The following EPAS1 variants were observed in gnomAD, a reference collection of about 807,000 sequenced individuals.
The protein encoded by EPAS1 is endothelial PAS domain protein 1.
In EPAS1, 23 loss-of-function variants were observed where a neutral mutation model predicts 87.9. That is an observed-to-expected ratio of 0.26 (90% CI 0.19 to 0.37). The LOEUF (loss-of-function observed/expected upper bound fraction) is 0.37. Among genes scored for constraint, EPAS1 ranks in the 10% least tolerant of loss-of-function variants. EPAS1 has a pLI of 1.00. For missense variants in EPAS1, 1,138 were observed against 1,120.7 expected (o/e 1.02, Z -0.22); for synonymous variants, 508 against 444.3 (o/e 1.14, Z -1.80).
rs886056080 is a variant in EPAS1 at position 46,297,712 on chromosome 2, A to G, written c.-200A>G. 19 of 605,044 alleles carry G rather than the reference A, an allele frequency of 3.1e-5. No individual in the cohort carries two copies. Among genetic ancestry groups the G allele is most frequent in the Non-Finnish European group, 5.1e-5 (18 of 350,562 alleles). The allele number at this position is 605,044 out of a possible 1,614,324, so 37.5% of individuals were successfully genotyped here. A position where few individuals can be genotyped will look rare whatever the true frequency, so the allele number is the denominator to read the frequency against. ...CTCCGCGCGCAGGTTCCTCCCAGTC[A>G]CCTTTCTCCACCCCCGCCCCCGCAC... On this transcript the variant is annotated 5_prime_UTR_variant, in exon 1 of 16. Transcript: ENST00000263734.
Position 46,335,107 on chromosome 2 carries a change from G to A in EPAS1, c.27-11766G>A, listed in dbSNP as rs188280492. On this transcript the variant is annotated intron_variant, in intron 1 of 15. Transcript: ENST00000263734. ...GGGGAGAAGGGGTTATGAGGATGGG[G>A]GTAGGAGAGTGAGGGATCCCGTGCT... Among the ~76,000 whole-genome samples the A allele has an allele frequency of 2.8e-3, 429 of 152,162 alleles. 2 individuals are homozygous for A. Among genetic ancestry groups the A allele is most frequent in the African/African-American group, 9.8e-3 (408 of 41,492 alleles).
At chr2:46,309,633 G>C (rs138314065) in intron 1 of EPAS1, among the ~76,000 whole-genome samples, 1 of 152,278 alleles carries the variant, frequency 6.6e-6, no homozygotes, top group East Asian at 1.9e-4. Context: ...GATGAGTATG[G>C]GGCATTCCAT....
chr2:46,307,250 C>T (rs898710470), intron 1 of EPAS1, among the ~76,000 whole-genome samples: 13 of 152,124 alleles, frequency 8.5e-5, no homozygotes, highest in Non-Finnish European at 2.9e-5. Flanking sequence ...AGAGAGAAGT[C>T]CTCTGCAGAG....
At chr2:46,332,697 C>G (rs1683711902) in intron 1 of EPAS1, among the ~76,000 whole-genome samples, 1 of 152,024 alleles carries the variant, frequency 6.6e-6, no homozygotes, top group Non-Finnish European at 1.5e-5. Context: ...TGGCTTTTTC[C>G]CCCTGGGGCT....
At chr2:46,356,897 T>C (rs1684281932) in intron 4 of EPAS1, 89 bp downstream of exon 4, 2 of 951,092 alleles carry the variant, frequency 2.1e-6, no homozygotes, top group East Asian at 4.9e-5. Context: ...AGATAGCTCA[T>C]GGCCCTTGTG....
chr2:46,341,576 C>A (rs143334488), intron 1 of EPAS1, among the ~76,000 whole-genome samples: 1 of 152,156 alleles, frequency 6.6e-6, no homozygotes, highest in Admixed American at 6.5e-5. Flanking sequence ...GTGATCACAC[C>A]AACTCCTAGA....
At chr2:46,381,796 G>A (rs2103676397) in intron 13 of EPAS1, 74 bp downstream of exon 13, 1 of 1,601,950 alleles carries the variant, frequency 6.2e-7, no homozygotes, top group South Asian at 1.1e-5. Context: ...GAGGGGTGGG[G>A]ATGTGGCCCT....
intron 1 of EPAS1, among the ~76,000 whole-genome samples, chr2:46,307,199 A>G (rs1867785): frequency 0.51 from 78,259 of 152,046 alleles, 21,320 homozygotes; most frequent in Middle Eastern, 0.64. Context: ...GGCTGAGGTC[A>G]ACGAAGCTAA....
intron 1 of EPAS1, among the ~76,000 whole-genome samples, chr2:46,329,350 C>T (rs190722394): frequency 2.0e-5 from 3 of 152,140 alleles, no homozygotes; most frequent in African/African-American, 4.8e-5. Flanking sequence ...AGGAGGGGAA[C>T]GTGTAGGCTA....
In EPAS1 at chr2:46,382,016, A is replaced by G; in HGVS notation, c.2214A>G (p.Lys738=). 3 of 1,614,036 alleles carry G rather than the reference A, an allele frequency of 1.9e-6. No individual in the cohort carries two copies. Among genetic ancestry groups the G allele is most frequent in the Non-Finnish European group, 2.5e-6 (3 of 1,179,994 alleles). Reference sequence around the variant, plus strand: ...GCAGCACCTCACATTTGATGTGGAAACGGATGAAGAACCTCAGGGGTGGGA... The same window carrying G: ...GCAGCACCTCACATTTGATGTGGAAGCGGATGAAGAACCTCAGGGGTGGGA... ...PGGSTSHLMW[K]RMKNLRGGSC... The change falls in exon 14 of 16, where the codon AAA becomes AAG. Residue 738 remains lysine (K), a synonymous_variant. Coordinates refer to ENST00000263734, the MANE Select transcript of EPAS1 (RefSeq NM_001430.5).
Position 46,347,785 on chromosome 2 carries a change from G to A in EPAS1, c.217+722G>A, listed in dbSNP as rs1229279150. On this transcript the variant is annotated intron_variant, in intron 2 of 15. Transcript: ENST00000263734. The surrounding 1 kb of genome is among the most constrained non-coding windows in gnomAD (Gnocchi z 4.2). The stretch of plus-strand genomic sequence containing the variant: ...TTCTTCAAGAAACCATTTCCTATGC[G>A]TCCTGACCAGAAACAGGTGTCTTGA... 3.3e-5 allele frequency among the ~76,000 whole-genome samples: 5 copies of A among 152,030 alleles called. No individual in the cohort carries two copies. The highest frequency in any genetic ancestry group is 6.5e-5 in the Admixed American group (1 of 15,274).
At chr2:46,374,856 G>C (rs1210489703) in intron 7 of EPAS1, among the ~76,000 whole-genome samples, 2 of 152,208 alleles carry the variant, frequency 1.3e-5, no homozygotes, top group African/African-American at 4.8e-5. Context: ...GACAACAAAA[G>C]CGTTTTTTAA....
Position 46,384,696 on chromosome 2 carries a change from G to A in EPAS1, c.*36G>A, listed in dbSNP as rs755387576. 5.0e-6 allele frequency: 8 copies of A among 1,608,560 alleles called. No homozygotes were observed. Among genetic ancestry groups the A allele is most frequent in the African/African-American group, 2.7e-5 (2 of 74,840 alleles). On this transcript the variant is annotated 3_prime_UTR_variant, in exon 16 of 16. Coordinates refer to ENST00000263734, the MANE Select transcript of EPAS1 (RefSeq NM_001430.5). ...CTACCTGGGCAGCACCTCTGCCGAC[G>A]CCGTCCCACCAGCTTCACTCTCTCC...
intron 1 of EPAS1, among the ~76,000 whole-genome samples, chr2:46,340,261 G>T (rs1214083775): frequency 6.6e-6 from 1 of 152,098 alleles, no homozygotes; most frequent in African/African-American, 2.4e-5. Flanking sequence ...AACCCAAGCA[G>T]AATTGACCAT....
intron 15 of EPAS1, among the ~76,000 whole-genome samples, chr2:46,382,974 C>T (rs1430040576): frequency 6.6e-6 from 1 of 152,096 alleles, no homozygotes; most frequent in Non-Finnish European, 1.5e-5. Flanking sequence ...GAGCAGGCGG[C>T]CACAGTGGTG....
chr2:46,377,173 G>C (rs779493595), intron 9 of EPAS1, among the ~76,000 whole-genome samples: 1 of 152,210 alleles, frequency 6.6e-6, no homozygotes, highest in Non-Finnish European at 1.5e-5. Flanking sequence ...GGCCAAGTTG[G>C]AGTAATGTTG....
intron 15 of EPAS1, 64 bp from the exon 16 acceptor site, chr2:46,384,444 GA>G: frequency 6.2e-7 from 1 of 1,609,404 alleles, no homozygotes. Context: ...CAGTCACAAA[GA>G]AGTAGACACT....
intron 1 of EPAS1, among the ~76,000 whole-genome samples, chr2:46,330,394 C>T (rs1683650948): frequency 6.6e-6 from 1 of 152,226 alleles, no homozygotes; most frequent in South Asian, 2.1e-4. Flanking sequence ...AACTGAGGCT[C>T]TCTCAAGTCC....
intron 11 of EPAS1, among the ~76,000 whole-genome samples, chr2:46,379,522 C>T (rs1044130963): frequency 6.6e-6 from 1 of 152,228 alleles, no homozygotes; most frequent in Non-Finnish European, 1.5e-5. Flanking sequence ...TCACAGCTAT[C>T]TGCTTCTGCT....
Sources: gnomAD v4.1 joint callset for allele counts (sites outside exome capture counted in the v4.1 genomes callset) on GRCh38, gnomAD v4.1.1 for gene constraint, Gnocchi (gnomAD v3.1) non-coding constraint, MANE v1.5 for transcripts, NCBI Gene and HGNC (gene_info 2026-07-23, HGNC 2026-07-21) for gene names.